TENM3: variants seen among roughly 807,000 people sequenced by gnomAD.
The protein encoded by TENM3 is teneurin-3.
A neutral mutation model predicts 255.1 loss-of-function variants in TENM3; 63 were observed. That is an observed-to-expected ratio of 0.25 (90% CI 0.20 to 0.30). The LOEUF (loss-of-function observed/expected upper bound fraction) is 0.30, where lower values mean the gene tolerates loss of function less well. Ranked by LOEUF, TENM3 falls within the 10% of genes least tolerant of loss-of-function variation. The pLI is 1.00. For missense variants in TENM3, 2,929 were observed against 3,461.1 expected (o/e 0.85, Z 3.86); for synonymous variants, 1,306 against 1,322.3 (o/e 0.99, Z 0.27).
the TENM3 span, among the ~76,000 whole-genome samples, chr4:181,483,146 C>T: frequency 6.6e-6 from 1 of 152,120 alleles, no homozygotes; most frequent in East Asian, 1.9e-4. Flanking sequence ...AACTTAATAT[C>T]TACTGGCAGA....
rs191785799 is a variant in TENM3, at chr4:182,609,444, C to T, written c.749+8283C>T. On this transcript the variant is annotated intron_variant, in intron 4 of 27. Coordinates refer to ENST00000511685, the MANE Select transcript of TENM3 (RefSeq NM_001080477.4). ...AGGTAAAGTCTGTTTTCTATTACAC[C>T]AGTCTGAGAACTCTTTCTTCTTATA... Among the ~76,000 whole-genome samples, 142 of 152,290 alleles carry T rather than the reference C, an allele frequency of 9.3e-4. 1 individual carries two copies. Among genetic ancestry groups the T allele is most frequent in the African/African-American group, 3.1e-3 (130 of 41,546 alleles).
At position 182,250,395 on chromosome 4, in the gene TENM3, A is replaced by G. The variant is rs116307880; in HGVS notation, c.-76+6919A>G. On this transcript the variant is annotated intron_variant, in intron 1 of 27. Transcript: ENST00000511685. The stretch of plus-strand genomic sequence containing the variant: ...ACTGTTACATCTTTTGTTTTAATGC[A>G]CCACTTGGCCTTATTATCCTTATTT... 8.4e-3 allele frequency among the ~76,000 whole-genome samples: 1,275 copies of G among 152,140 alleles called. 15 individuals carry two copies. Among genetic ancestry groups the G allele is most frequent in the African/African-American group, 0.027 (1,123 of 41,528 alleles).
the TENM3 span, among the ~76,000 whole-genome samples, chr4:181,724,269 A>G: frequency 3.3e-5 from 5 of 152,176 alleles, no homozygotes; most frequent in African/African-American, 1.2e-4. Flanking sequence ...AATCTGTTGT[A>G]AGCATAACTC....
At chr4:181,506,836 C>T in the TENM3 span, among the ~76,000 whole-genome samples, 1 of 151,756 alleles carries the variant, frequency 6.6e-6, no homozygotes, top group Non-Finnish European at 1.5e-5. Context: ...AGTGTGTATT[C>T]CAATATTATG....
chr4:181,799,392 A>G, the TENM3 span, among the ~76,000 whole-genome samples: 3 of 152,252 alleles, frequency 2.0e-5, no homozygotes, highest in African/African-American at 7.2e-5. Context: ...TCAAATTTGC[A>G]AAATAGGATG....
the TENM3 span, among the ~76,000 whole-genome samples, chr4:182,100,466 TACACAC>T: frequency 1.9e-5 from 2 of 107,230 alleles, no homozygotes; most frequent in African/African-American, 3.6e-5. Flanking sequence ...TATATATATA[TACACAC>T]ACACACACAC....
At chr4:181,789,324 C>T in the TENM3 span, among the ~76,000 whole-genome samples, 560 of 151,596 alleles carry the variant, frequency 3.7e-3, 5 homozygotes, top group African/African-American at 0.013. Context: ...GGCATGATCT[C>T]GGCTCACTGC....
chr4:182,038,268 A>G, the TENM3 span, among the ~76,000 whole-genome samples: 1 of 152,190 alleles, frequency 6.6e-6, no homozygotes, highest in Non-Finnish European at 1.5e-5. Flanking sequence ...TTCCTGGTCT[A>G]AAAAGCAATG....
At chr4:181,719,146 C>T in the TENM3 span, among the ~76,000 whole-genome samples, 3 of 151,754 alleles carry the variant, frequency 2.0e-5, no homozygotes, top group Non-Finnish European at 4.4e-5. Flanking sequence ...GCGGAGCTTG[C>T]AGTGAGCCGA....
At chr4:181,904,032 CT>C in the TENM3 span, among the ~76,000 whole-genome samples, 1 of 152,180 alleles carries the variant, frequency 6.6e-6, no homozygotes, top group African/African-American at 2.4e-5. Context: ...AACATCTCCT[CT>C]TGGATGTTCT....
the TENM3 span, among the ~76,000 whole-genome samples, chr4:181,707,351 T>C: frequency 6.6e-5 from 10 of 152,172 alleles, no homozygotes; most frequent in Non-Finnish European, 1.3e-4. Context: ...ATCTGGCATC[T>C]CAGAGACAAA....
At chr4:182,784,260 T>C (rs897110675) in intron 24 of TENM3, among the ~76,000 whole-genome samples, 1 of 152,096 alleles carries the variant, frequency 6.6e-6, no homozygotes, top group Admixed American at 6.5e-5. Flanking sequence ...GTTTGTTAGT[T>C]TTCCTTCTAA....
chr4:182,487,840 T>C (rs893919678), intron 3 of TENM3, among the ~76,000 whole-genome samples: 1 of 152,186 alleles, frequency 6.6e-6, no homozygotes, highest in Non-Finnish European at 1.5e-5. Context: ...ACATAGTACG[T>C]ATCTCATAAA....
chr4:182,584,592 A>G (rs1261158720), intron 3 of TENM3, among the ~76,000 whole-genome samples: 1 of 152,204 alleles, frequency 6.6e-6, no homozygotes, highest in Non-Finnish European at 1.5e-5. Context: ...AATACTTTAA[A>G]TAAATGATAT....
At chr4:182,680,860 C>A in intron 10 of TENM3, 123 bp downstream of exon 10, 1 of 692,500 alleles carries the variant, frequency 1.4e-6, no homozygotes. Flanking sequence ...TTTGAAAAAT[C>A]CATGTTTATG....
the TENM3 span, among the ~76,000 whole-genome samples, chr4:181,613,229 C>T: frequency 3.3e-5 from 5 of 152,324 alleles, no homozygotes; most frequent in Non-Finnish European, 7.3e-5. Flanking sequence ...GAAGGGGAGA[C>T]ATCTCCTTCT....
chr4:182,201,294 G>A (rs1462912525), intron 1 of TENM3, among the ~76,000 whole-genome samples: 2 of 151,986 alleles, frequency 1.3e-5, no homozygotes, highest in East Asian at 3.9e-4. Flanking sequence ...TTTTGTCGGG[G>A]ACAGTCAAAA....
intron 3 of TENM3, among the ~76,000 whole-genome samples, chr4:182,595,577 A>C (rs1156529180): frequency 6.6e-6 from 1 of 152,212 alleles, no homozygotes; most frequent in East Asian, 1.9e-4. Context: ...AGTGAATAAA[A>C]ACATGCAACT....
the TENM3 span, among the ~76,000 whole-genome samples, chr4:181,653,088 C>T: frequency 2.0e-5 from 3 of 152,270 alleles, no homozygotes; most frequent in Non-Finnish European, 4.4e-5. Context: ...GTTATTTACC[C>T]GGAGCCTACT....
Sources: gnomAD v4.1 joint callset for allele counts (sites outside exome capture counted in the v4.1 genomes callset) on GRCh38, gnomAD v4.1.1 for gene constraint, MANE v1.5 for transcripts, NCBI Gene and HGNC (gene_info 2026-07-23, HGNC 2026-07-21) for gene names.